The following ZNF540 variants were observed in gnomAD, a reference collection of about 807,000 sequenced individuals.
ZNF540 encodes the protein zinc finger protein 540.
A neutral mutation model predicts 11.8 loss-of-function variants in ZNF540; 3 were observed. The observed-to-expected ratio is 0.25, with a 90% confidence interval of 0.12 to 0.65. The LOEUF (loss-of-function observed/expected upper bound fraction) is 0.65, where lower values mean the gene tolerates loss of function less well. Ranked by LOEUF, ZNF540 falls within the 30% of genes least tolerant of loss-of-function variation. The pLI is 0.83. For synonymous variants in ZNF540, 247 were observed against 259.0 expected, an observed-to-expected ratio of 0.95 and a Z score of 0.45; for missense variants, 709 against 793.1, an observed-to-expected ratio of 0.89 and a Z score of 1.27.
At chr19:37,589,701 C>CA (rs1168835117) in intron 1 of ZNF540, among the ~76,000 whole-genome samples, 3 of 151,028 alleles carry the variant, frequency 2.0e-5, no homozygotes, top group African/African-American at 4.9e-5. Context: ...AGTATTCCTA[C>CA]AAAAAAATGC....
At position 37,572,822 on chromosome 19, in the gene ZNF540, T is replaced by C. The variant is rs529140524; in HGVS notation, c.-73+21157T>C. ...TTACCAACTTATTTTTACCAATTAC[T>C]ATAACTATTTACAAAAATACTCATT... is the stretch of plus-strand genomic sequence containing the variant. On this transcript the variant is annotated intron_variant, in intron 1 of 4. Transcript: ENST00000592533. Among the ~76,000 whole-genome samples, 3 of 152,364 alleles carry C rather than the reference T, an allele frequency of 2.0e-5. No homozygotes were observed. In the South Asian group the frequency reaches 6.2e-4, roughly 32 times the overall value.
At chr19:37,605,658 G>C (rs918709618) in intron 4 of ZNF540, among the ~76,000 whole-genome samples, 1 of 151,996 alleles carries the variant, frequency 6.6e-6, no homozygotes, top group Non-Finnish European at 1.5e-5. Context: ...GCAAAAAAAA[G>C]AAAGAAACTG....
At chr19:37,567,176 T>C (rs2042890824) in intron 1 of ZNF540, among the ~76,000 whole-genome samples, 1 of 152,244 alleles carries the variant, frequency 6.6e-6, no homozygotes, top group African/African-American at 2.4e-5. Context: ...TTTTCACTAA[T>C]GGATATACCA....
chr19:37,565,750 G>GTTACACTGATAAGGTTTTTCA (rs2042833440), intron 1 of ZNF540: 1 of 1,613,226 alleles, frequency 6.2e-7, no homozygotes, highest in African/African-American at 1.3e-5. Flanking sequence ...TCCCACATGC[G>GTTACACTGATAAGGTTTTTCA]TTACACTGAT....
chr19:37,608,421 A>G (rs995103724), intron 4 of ZNF540, among the ~76,000 whole-genome samples: 7 of 152,130 alleles, frequency 4.6e-5, no homozygotes, highest in South Asian at 2.1e-4. Flanking sequence ...TTCATTATCC[A>G]TCTGGATGTT....
At position 37,613,102 on chromosome 19, in the gene ZNF540, G is replaced by A; in HGVS notation, c.1822G>A (p.Glu608Lys). ...QRIHTGEKPYECKQCGKAFRL... is the reference protein window; with the variant it reads ...QRIHTGEKPYKCKQCGKAFRL... ...AATTCATACTGGTGAGAAACCCTAT[G>A]AGTGTAAACAATGTGGGAAGGCCTT... The change falls in exon 5 of 5, where the codon GAG (glutamate) becomes AAG (lysine). Residue 608 changes from glutamate (E) to lysine (K), a missense_variant. Transcript: ENST00000316433. 6.2e-7 allele frequency: 1 copy of A among 1,613,752 alleles called. No individual in the cohort carries two copies. The highest frequency in any genetic ancestry group is 8.5e-7 in the Non-Finnish European group (1 of 1,179,914).
chr19:37,594,784 T>A (rs1234747752), upstream of ZNF540: 2 of 152,124 alleles, frequency 1.3e-5, no homozygotes, highest in African/African-American at 2.4e-5. Flanking sequence ...CATAACAGCG[T>A]AAGTGTACGA....
chr19:37,601,305 T>C (rs958033762), intron 4 of ZNF540, 200 bp downstream of exon 4: 1 of 457,074 alleles, frequency 2.2e-6, no homozygotes, highest in Non-Finnish European at 3.9e-6. Context: ...TGGCTCCTAC[T>C]TACCACCTGT....
Position 37,611,974 on chromosome 19 carries a change from C to G in ZNF540, c.694C>G (p.Leu232Val). The change falls in exon 5 of 5, where the codon CTG (leucine) becomes GTG (valine). Residue 232 changes from leucine (L) to valine (V), a missense_variant. Physicochemically the swap from Leu to Val is conservative, Grantham distance 32 (BLOSUM62 1). Transcript: ENST00000316433. The stretch of plus-strand genomic sequence containing the variant: ...TTTTAGTCATAGCTATCAACTTACT[C>G]TGCATCAGAGATTTCATACTGGTGA... Reference protein sequence around the residue: ...KVFSHSYQLTLHQRFHTGEKP... With the variant: ...KVFSHSYQLTVHQRFHTGEKP... 1.2e-6 allele frequency: 2 copies of G among 1,613,618 alleles called. No homozygotes were observed.
intron 4 of ZNF540, among the ~76,000 whole-genome samples, chr19:37,608,370 ATTTC>A (rs1254877053): frequency 1.3e-5 from 2 of 152,088 alleles, no homozygotes; most frequent in Admixed American, 6.5e-5. Flanking sequence ...GATCTTTAGC[ATTTC>A]TTTTTGATTC....
intron 1 of ZNF540, among the ~76,000 whole-genome samples, chr19:37,589,727 G>A (rs1389234852): frequency 1.3e-5 from 2 of 151,744 alleles, no homozygotes; most frequent in Non-Finnish European, 2.9e-5. Flanking sequence ...TTAGCCAGGC[G>A]TGGTGGCGGG....
intron 1 of ZNF540, chr19:37,567,648 A>G (rs1305670142): frequency 6.6e-6 from 1 of 152,174 alleles, no homozygotes; most frequent in African/African-American, 2.4e-5. Flanking sequence ...TCTGCCAAGA[A>G]TGCTCTCAAA....
Position 37,600,685 on chromosome 19 carries a change from G to A in ZNF540, c.137-325G>A, listed in dbSNP as rs2044032413. On this transcript the variant is annotated intron_variant, in intron 3 of 4. Coordinates refer to ENST00000316433, the MANE Select transcript of ZNF540 (RefSeq NM_001172225.3). The stretch of plus-strand genomic sequence containing the variant: ...CAATCATTAGTCAATAGGTAGTAGA[G>A]TAGAATTTGGACCCACATAGTCTGG... Among the ~76,000 whole-genome samples, 3 of 152,172 alleles carry A rather than the reference G, an allele frequency of 2.0e-5. No individual in the cohort carries two copies. The South Asian group carries it at 6.2e-4, about 32-fold the overall frequency.
chr19:37,577,253 TTA>T (rs920002470), intron 1 of ZNF540, among the ~76,000 whole-genome samples: 82 of 152,210 alleles, frequency 5.4e-4, no homozygotes, highest in African/African-American at 1.9e-3. Flanking sequence ...TAACATAAAT[TTA>T]TATGAGGTAA....
chr19:37,612,716 G>C lies in ZNF540; in HGVS notation c.1436G>C (p.Arg479Pro). 6.2e-7 allele frequency: 1 copy of C among 1,614,068 alleles called. No homozygotes were observed. The highest frequency in any genetic ancestry group is 1.3e-5 in the African/African-American group (1 of 75,020). Residue 479 changes from arginine (R) to proline (P), a missense_variant, in exon 5 of 5, where the codon CGT becomes CCT. By Grantham distance (103) the Arg-to-Pro change is moderately radical. Coordinates refer to ENST00000316433, the MANE Select transcript of ZNF540 (RefSeq NM_001172225.3). The stretch of plus-strand genomic sequence containing the variant: ...GAATGTGGGAAGACCTTTCGAGTTC[G>C]TTCTCAAATTAGTCTACATAAGAAA... ...CKECGKTFRV[R>P]SQISLHKKIH... is the part of the protein sequence containing the mutation.
At chr19:37,602,037 C>T (rs1428486164) in intron 4 of ZNF540, among the ~76,000 whole-genome samples, 1 of 152,102 alleles carries the variant, frequency 6.6e-6, no homozygotes, top group African/African-American at 2.4e-5. Flanking sequence ...GTAGGAAGAT[C>T]AGTTATCAGG....
At chr19:37,552,444 GTT>G (rs1272013146) in intron 1 of ZNF540, among the ~76,000 whole-genome samples, 2 of 152,224 alleles carry the variant, frequency 1.3e-5, no homozygotes, top group African/African-American at 4.8e-5. Flanking sequence ...ACTTTTAAAA[GTT>G]AATGAGAGAA....
intron 1 of ZNF540, chr19:37,565,396 A>G: frequency 6.2e-7 from 1 of 1,613,790 alleles, no homozygotes; most frequent in South Asian, 1.1e-5. Context: ...AGGCACATAA[A>G]AAGGCTTTCC....
At chr19:37,572,159 T>G (rs1239085597) in intron 1 of ZNF540, among the ~76,000 whole-genome samples, 1 of 152,160 alleles carries the variant, frequency 6.6e-6, no homozygotes, top group Admixed American at 6.5e-5. Context: ...ATCACTTAAC[T>G]CCAAAATTAT....
Sources: gnomAD v4.1 joint callset for allele counts (sites outside exome capture counted in the v4.1 genomes callset) on GRCh38, gnomAD v4.1.1 for gene constraint, MANE v1.5 for transcripts, NCBI Gene and HGNC (gene_info 2026-07-23, HGNC 2026-07-21) for gene names.